The following TOX variants were observed in gnomAD, a reference collection of about 807,000 sequenced individuals.
TOX encodes thymocyte selection associated high mobility group box.
Under a neutral mutation model 53.7 loss-of-function variants are expected in TOX, and 11 were observed. The ratio of observed to expected loss-of-function variants is 0.20; its 90% CI spans 0.13 to 0.34. The LOEUF (loss-of-function observed/expected upper bound fraction) is 0.34. TOX is among the 10% of genes least tolerant of loss of function. The pLI is 1.00. For missense variants in TOX, 570 were observed against 664.6 expected (o/e 0.86, Z 1.56); for synonymous variants, 225 against 245.3 (o/e 0.92, Z 0.77).
At position 59,074,223 on chromosome 8, in the gene TOX, TCAAGTACTTA is replaced by T. The variant is rs1057495213; in HGVS notation, c.102+44653_102+44662del. 5.8e-4 allele frequency among the ~76,000 whole-genome samples: 89 copies of T among 152,184 alleles called. 1 individual carries two copies. Among genetic ancestry groups the T allele is most frequent in the Non-Finnish European group, 1.3e-4 (9 of 68,034 alleles). On this transcript the variant is annotated intron_variant, in intron 1 of 8. Coordinates refer to ENST00000361421, the MANE Select transcript of TOX (RefSeq NM_014729.3). ...TTGTGTTCCCTGCTAATAGTGCTGC[TCAAGTACTTA>T]CATAATGGGTGCTTAAGAAACATAT...
In TOX at chr8:59,012,449, G is replaced by A. The variant is rs140391724; in HGVS notation, c.103-52441C>T. Among the ~76,000 whole-genome samples the A allele has an allele frequency of 3.8e-4, 58 of 152,012 alleles. 2 individuals carry two copies. The East Asian group carries it at 0.01, about 27-fold the overall frequency. ...TTAGCCTGCCACGAGAGGGACCACA[G>A]AGAACCTGACCTGACCCCATGCTTT... On this transcript the variant is annotated intron_variant, in intron 1 of 8. Coordinates refer to ENST00000361421, the MANE Select transcript of TOX (RefSeq NM_014729.3).
At chr8:59,094,819 C>T (rs1265512427) in intron 1 of TOX, among the ~76,000 whole-genome samples, 1 of 152,082 alleles carries the variant, frequency 6.6e-6, no homozygotes, top group Non-Finnish European at 1.5e-5. Flanking sequence ...TTTACATTTC[C>T]ATATGCAACC....
Position 58,807,687 on chromosome 8 carries a change from C to A in TOX, c.*60G>T. 1 of 1,593,802 alleles carries A rather than the reference C, an allele frequency of 6.3e-7. No homozygotes were observed. Among genetic ancestry groups the A allele is most frequent in the Non-Finnish European group, 8.6e-7 (1 of 1,162,046 alleles). The stretch of plus-strand genomic sequence containing the variant: ...GGAGAACTGCCTTGACTGTACAAAG[C>A]AATCCATGGTGAAAACACTTCCCTG... On this transcript the variant is annotated 3_prime_UTR_variant, in exon 9 of 9. Coordinates refer to ENST00000361421, the MANE Select transcript of TOX (RefSeq NM_014729.3).
At chr8:59,088,075 T>TA (rs1032131712) in intron 1 of TOX, among the ~76,000 whole-genome samples, 1 of 152,128 alleles carries the variant, frequency 6.6e-6, no homozygotes, top group Admixed American at 6.6e-5. Context: ...TTTATTATAT[T>TA]AAAAAAACAC....
chr8:58,833,851 A>G (rs572910045), intron 5 of TOX, among the ~76,000 whole-genome samples: 3 of 152,306 alleles, frequency 2.0e-5, no homozygotes, highest in African/African-American at 7.2e-5. Flanking sequence ...GAGTTTGTTC[A>G]GTGGCTTTGG....
At chr8:59,074,055 G>C (rs965607052) in intron 1 of TOX, among the ~76,000 whole-genome samples, 2 of 151,954 alleles carry the variant, frequency 1.3e-5, no homozygotes, top group Admixed American at 1.3e-4. Context: ...TAAGTACCAC[G>C]ACCACAAAAT....
chr8:58,958,630 A>G (rs540734029), intron 2 of TOX, among the ~76,000 whole-genome samples: 2 of 152,360 alleles, frequency 1.3e-5, no homozygotes, highest in Admixed American at 6.5e-5. Flanking sequence ...GAGGCTACTT[A>G]GCCAAATGAA....
chr8:59,032,482 C>T (rs969251361), intron 1 of TOX, among the ~76,000 whole-genome samples: 32 of 152,294 alleles, frequency 2.1e-4, no homozygotes, highest in African/African-American at 5.5e-4. Flanking sequence ...GAGGACACCC[C>T]GCAGTCTGGT....
chr8:58,979,661 A>T (rs2129416694), intron 1 of TOX, among the ~76,000 whole-genome samples: 1 of 152,336 alleles, frequency 6.6e-6, no homozygotes, highest in South Asian at 2.1e-4. Context: ...ACAGAGAGAG[A>T]TATAGATTCT....
intron 1 of TOX, among the ~76,000 whole-genome samples, chr8:59,019,078 A>T (rs377426485): frequency 6.6e-6 from 1 of 151,988 alleles, no homozygotes; most frequent in African/African-American, 2.4e-5. Flanking sequence ...ATTTTATAAA[A>T]TTTTTTTCAT....
At chr8:58,866,309 C>A (rs1811100907) in intron 3 of TOX, among the ~76,000 whole-genome samples, 1 of 152,142 alleles carries the variant, frequency 6.6e-6, no homozygotes, top group Non-Finnish European at 1.5e-5. Flanking sequence ...AGCAGTGGTT[C>A]AATAACCTCC....
chr8:59,092,912 A>G (rs1168643121), intron 1 of TOX, among the ~76,000 whole-genome samples: 1 of 152,126 alleles, frequency 6.6e-6, no homozygotes, highest in Non-Finnish European at 1.5e-5. Flanking sequence ...GTAAATATTC[A>G]CCACTCTGAC....
intron 1 of TOX, among the ~76,000 whole-genome samples, chr8:58,974,499 G>A (rs1331572119): frequency 2.0e-5 from 3 of 152,172 alleles, no homozygotes; most frequent in African/African-American, 7.2e-5. Context: ...TTTGTACAAT[G>A]TGCTATAATT....
intron 1 of TOX, among the ~76,000 whole-genome samples, chr8:58,987,870 C>A (rs1203982514): frequency 6.6e-6 from 1 of 152,136 alleles, no homozygotes; most frequent in Admixed American, 6.5e-5. Context: ...GTTCCCCACT[C>A]CCAAGGGTTG....
intron 7 of TOX, 117 bp from the exon 8 acceptor site, chr8:58,808,386 G>C: frequency 7.6e-7 from 1 of 1,317,142 alleles, no homozygotes; most frequent in Non-Finnish European, 1.0e-6. Context: ...GTCTCTGCAA[G>C]GGCAAGCCTG....
intron 1 of TOX, among the ~76,000 whole-genome samples, chr8:59,090,352 C>G (rs1374980332): frequency 1.3e-5 from 2 of 152,050 alleles, no homozygotes; most frequent in African/African-American, 2.4e-5. Flanking sequence ...ATCTAAGAGC[C>G]CTTTGGTAGA....
rs1017339919 is a variant in TOX, at chr8:58,851,891, T to C, written c.412-86A>G. On this transcript the variant is annotated intron_variant, in intron 3 of 8. Coordinates refer to ENST00000361421, the MANE Select transcript of TOX (RefSeq NM_014729.3). This position sits in a 1 kb window ranked among gnomAD's most constrained non-coding sequence, Gnocchi z 4.4. ...AACAAATATGTTTTGGGCAAAAAAG[T>C]AATAATTCTTTAGATTTCCAGATGT... 2.7e-5 allele frequency: 31 copies of C among 1,145,668 alleles called. No individual in the cohort carries two copies. The highest frequency in any genetic ancestry group is 2.3e-4 in the Admixed American group (6 of 25,840). The allele number at this position is 1,145,668 out of a possible 1,614,324, so 71.0% of individuals were successfully genotyped here. A position where few individuals can be genotyped will look rare whatever the true frequency, so the allele number is the denominator to read the frequency against.
At chr8:59,060,946 G>C (rs1803974049) in intron 1 of TOX, among the ~76,000 whole-genome samples, 1 of 152,058 alleles carries the variant, frequency 6.6e-6, no homozygotes, top group Non-Finnish European at 1.5e-5. Context: ...GCTACTATTG[G>C]GGGAAAACCT....
intron 1 of TOX, among the ~76,000 whole-genome samples, chr8:59,076,368 G>C (rs1401472651): frequency 6.6e-6 from 1 of 152,204 alleles, no homozygotes; most frequent in East Asian, 1.9e-4. Flanking sequence ...GGAGATGTGA[G>C]AGTGCCTTTG....
Sources: allele counts gnomAD v4.1 joint callset (sites outside exome capture counted in the v4.1 genomes callset), GRCh38; gene constraint gnomAD v4.1.1; non-coding constraint Gnocchi (gnomAD v3.1); transcripts MANE v1.5; gene names NCBI Gene and HGNC (gene_info 2026-07-23, HGNC 2026-07-21).